HMCN1: variants seen among roughly 807,000 people sequenced by gnomAD.
HMCN1 encodes the protein hemicentin-1.
A neutral mutation model predicts 625.9 loss-of-function variants in HMCN1; 321 were observed. The ratio of observed to expected loss-of-function variants is 0.51; its 90% CI spans 0.47 to 0.56. The LOEUF (loss-of-function observed/expected upper bound fraction) is 0.56. HMCN1 is among the 20% of genes least tolerant of loss of function. The pLI, the probability that HMCN1 is intolerant of heterozygous loss-of-function variation, is 0.00. For missense variants in HMCN1, 6,588 were observed against 6,887.3 expected (o/e 0.96, Z 1.54); for synonymous variants, 2,425 against 2,417.6 (o/e 1.00, Z -0.09).
intron 1 of HMCN1, among the ~76,000 whole-genome samples, chr1:185,774,157 A>G (rs1488783449): frequency 6.6e-6 from 1 of 152,188 alleles, no homozygotes; most frequent in Non-Finnish European, 1.5e-5. Flanking sequence ...AAGTCTAATG[A>G]AAAATAATTT....
intron 1 of HMCN1, among the ~76,000 whole-genome samples, chr1:185,787,879 T>A (rs545677191): frequency 1.5e-4 from 23 of 152,308 alleles, no homozygotes; most frequent in African/African-American, 5.3e-4. Context: ...GATAACTTAA[T>A]AAAGGTCAAA....
intron 17 of HMCN1, 27 bp from the exon 18 acceptor site, chr1:185,982,235 A>G: frequency 1.9e-6 from 3 of 1,613,070 alleles, no homozygotes; most frequent in Non-Finnish European, 2.5e-6. Context: ...ATAGAGTTGA[A>G]AGTGCCTGTG....
intron 49 of HMCN1, among the ~76,000 whole-genome samples, chr1:186,066,409 A>G (rs1028035735): frequency 6.6e-6 from 1 of 152,074 alleles, no homozygotes; most frequent in African/African-American, 2.4e-5. Flanking sequence ...CTTCCAATCT[A>G]CCCGGCCAAA....
Position 186,095,351 on chromosome 1 carries a change from C to T in HMCN1, c.10403C>T (p.Ala3468Val), listed in dbSNP as rs201041141. The T allele has an allele frequency of 1.1e-5, 18 of 1,613,598 alleles. No homozygotes were observed. Among genetic ancestry groups the T allele is most frequent in the Non-Finnish European group, 1.4e-5 (16 of 1,179,832 alleles). Residue 3468 changes from alanine (A) to valine (V), a missense_variant, in exon 68 of 107, where the codon GCC becomes GTC. Around this residue, in one of 3 missense-constraint regions of HMCN1, gnomAD observed 4,628 missense variants for 4,853.1 expected, o/e 0.95. Transcript: ENST00000271588. ...GATGGAACCCCAGCTCCCAGTATGG[C>T]CTGGCTTAGAGATGGCCAGCCTCTG... ...ITDGTPAPSM[A>V]WLRDGQPLGL...
intron 15 of HMCN1, among the ~76,000 whole-genome samples, chr1:185,971,204 C>T (rs951677189): frequency 4.6e-5 from 7 of 152,056 alleles, no homozygotes; most frequent in Admixed American, 6.6e-5. Context: ...TACTTTGGCC[C>T]AAGATCATAA....
rs572605157 is a variant in HMCN1 at position 186,076,294 on chromosome 1, G to T, written c.8291-134G>T. 303 of 883,798 alleles carry T rather than the reference G, an allele frequency of 3.4e-4. 2 individuals are homozygous for T. In the African/African-American group the frequency reaches 4.6e-3, roughly 13 times the overall value. 54.7% of individuals were successfully genotyped at this position (883,798 alleles called of 1,614,324 possible). ...TTTTTGGCTAAGGGCTAGAGTTGGT[G>T]GTGGCGTCAGTACTTGAAATTATTT... On this transcript the variant is annotated intron_variant, in intron 53 of 106. Transcript: ENST00000271588.
intron 13 of HMCN1, 100 bp from the exon 14 acceptor site, chr1:185,965,702 C>A: frequency 1.3e-6 from 1 of 766,778 alleles, no homozygotes; most frequent in Non-Finnish European, 2.4e-6. Flanking sequence ...GAAATGGCCA[C>A]AAGCACATAA....
At chr1:186,160,735 G>A (rs1651403861) in intron 97 of HMCN1, among the ~76,000 whole-genome samples, 1 of 152,122 alleles carries the variant, frequency 6.6e-6, no homozygotes, top group Admixed American at 6.5e-5. Flanking sequence ...GCAGTTTTGA[G>A]TGAGTTTCTT....
Position 185,928,445 on chromosome 1 carries a change from A to G in HMCN1, c.1431-101A>G, listed in dbSNP as rs1558071825. Reference sequence around the variant, plus strand: ...AGTTTTATCAATTTATTTTCTTTACATTGTTCTTTTGAATGAACCTTCAAA... The same window carrying G: ...AGTTTTATCAATTTATTTTCTTTACGTTGTTCTTTTGAATGAACCTTCAAA... On this transcript the variant is annotated intron_variant, in intron 9 of 106. Transcript: ENST00000271588. 1.6e-5 allele frequency: 16 copies of G among 978,056 alleles called. No homozygotes were observed. In the South Asian group the frequency reaches 1.7e-4, roughly 10 times the overall value. The allele number at this position is 978,056 out of a possible 1,614,324, so 60.6% of individuals were successfully genotyped here.
At chr1:185,845,055 C>T (rs192173973) in intron 1 of HMCN1, among the ~76,000 whole-genome samples, 23 of 152,226 alleles carry the variant, frequency 1.5e-4, no homozygotes, top group Non-Finnish European at 2.8e-4. Flanking sequence ...TACATCTGGG[C>T]GGTTGTGAGG....
chr1:185,828,586 A>G (rs1389873025), intron 1 of HMCN1, among the ~76,000 whole-genome samples: 1 of 152,178 alleles, frequency 6.6e-6, no homozygotes, highest in East Asian at 1.9e-4. Context: ...TGATGTATAG[A>G]ACATTGTTTC....
intron 4 of HMCN1, among the ~76,000 whole-genome samples, chr1:185,904,704 T>C (rs1293228993): frequency 1.3e-5 from 2 of 151,882 alleles, no homozygotes; most frequent in African/African-American, 4.8e-5. Flanking sequence ...TCATTTTTAT[T>C]CATCTGTAAA....
In HMCN1 at chr1:185,925,033, G is replaced by T. The variant is rs756373509; in HGVS notation, c.1286-14G>T. ...GCTTAAGTTTTTTGTTTTTGTTTTT[G>T]TTTTTTTTCCTAGATGCTCCCAAAG... is the stretch of plus-strand genomic sequence containing the variant. On this transcript the variant is annotated splice_polypyrimidine_tract_variant and intron_variant, in intron 8 of 106. Coordinates refer to ENST00000271588, the MANE Select transcript of HMCN1 (RefSeq NM_031935.3). The T allele has an allele frequency of 1.9e-6, 3 of 1,588,348 alleles. No individual in the cohort carries two copies. The highest frequency in any genetic ancestry group is 1.4e-5 in the African/African-American group (1 of 73,962).
chr1:185,756,216 T>C (rs1410903803), intron 1 of HMCN1, among the ~76,000 whole-genome samples: 2 of 152,192 alleles, frequency 1.3e-5, no homozygotes, highest in Non-Finnish European at 2.9e-5. Context: ...GAGACAGTTG[T>C]TAAAGGCTGT....
chr1:186,169,773 A>G (rs1652104963), intron 100 of HMCN1, among the ~76,000 whole-genome samples: 1 of 152,200 alleles, frequency 6.6e-6, no homozygotes, highest in Non-Finnish European at 1.5e-5. Flanking sequence ...AGGCATAGGC[A>G]AAGACTTCAT....
Position 186,093,211 on chromosome 1 carries a change from C to T in HMCN1, c.9965C>T (p.Thr3322Ile). 6.2e-7 allele frequency: 1 copy of T among 1,613,328 alleles called. No individual in the cohort carries two copies. Among genetic ancestry groups the T allele is most frequent in the South Asian group, 1.1e-5 (1 of 91,072 alleles). ...SDTGKYTCVA[T>I]NPAGEEDRIF... ...ACGGGGAAATACACATGTGTTGCTA[C>T]TAATCCCGCTGGAGAAGAAGACCGA... The change falls in exon 65 of 107, where the codon ACT becomes ATT. Residue 3322 changes from threonine to isoleucine, a missense_variant. By Grantham distance (89) the Thr-to-Ile change is moderately conservative. Around this residue, in one of 3 missense-constraint regions of HMCN1, gnomAD observed 4,628 missense variants for 4,853.1 expected, o/e 0.95. Coordinates refer to ENST00000271588, the MANE Select transcript of HMCN1 (RefSeq NM_031935.3).
chr1:185,916,865 A>G (rs897243184), intron 6 of HMCN1, among the ~76,000 whole-genome samples: 1 of 152,154 alleles, frequency 6.6e-6, no homozygotes, highest in Non-Finnish European at 1.5e-5. Context: ...AGGCTCTGCC[A>G]TAATTTAGAA....
intron 1 of HMCN1, among the ~76,000 whole-genome samples, chr1:185,819,005 G>T (rs899931363): frequency 4.0e-5 from 6 of 151,736 alleles, no homozygotes; most frequent in Admixed American, 6.6e-5. Flanking sequence ...TTGGGAGGCT[G>T]AGGCGGGCGG....
intron 1 of HMCN1, among the ~76,000 whole-genome samples, chr1:185,765,366 G>A (rs1420883612): frequency 1.3e-5 from 2 of 152,146 alleles, no homozygotes; most frequent in East Asian, 3.9e-4. Flanking sequence ...GTAGTGGGAA[G>A]CCAAATTAGA....
Sources: gnomAD v4.1 joint callset for allele counts (sites outside exome capture counted in the v4.1 genomes callset) on GRCh38, gnomAD v4.1.1 for gene constraint, gnomAD v4.1.1 regional missense constraint, MANE v1.5 for transcripts, NCBI Gene and HGNC (gene_info 2026-07-23, HGNC 2026-07-21) for gene names.